C12orf42: variants seen among roughly 807,000 people sequenced by gnomAD.
C12orf42 encodes chromosome 12 open reading frame 42.
In C12orf42, 25 loss-of-function variants were observed where a neutral mutation model predicts 21.6. That is an observed-to-expected ratio of 1.16 (90% CI 0.84 to 1.62). The LOEUF (loss-of-function observed/expected upper bound fraction) is 1.62. Among genes scored for constraint, C12orf42 ranks in the 40% most tolerant of loss-of-function variants. The pLI, the probability that C12orf42 is intolerant of heterozygous loss-of-function variation, is 0.00. For synonymous variants in C12orf42, 174 were observed against 175.0 expected (o/e 0.99, Z 0.05); for missense variants, 483 against 459.3 (o/e 1.05, Z -0.47).
the C12orf42 span, among the ~76,000 whole-genome samples, chr12:103,105,254 AG>A: frequency 6.6e-6 from 1 of 152,194 alleles, no homozygotes; most frequent in African/African-American, 2.4e-5. Context: ...CACAATAAAG[AG>A]AAAGATGAGT....
intron 3 of C12orf42, among the ~76,000 whole-genome samples, chr12:103,388,736 G>A (rs2046832842): frequency 6.6e-6 from 1 of 152,178 alleles, no homozygotes; most frequent in Non-Finnish European, 1.5e-5. Context: ...AATGATTATT[G>A]TATTCTCTCT....
At chr12:103,268,341 T>C (rs2035273052), downstream of C12orf42, 1 of 152,264 alleles carries the variant, frequency 6.6e-6, no homozygotes, top group African/African-American at 2.4e-5. Context: ...CCATGCCTGG[T>C]TAATAGGTAT....
At chr12:103,282,595 A>G (rs905263760) in intron 4 of C12orf42, among the ~76,000 whole-genome samples, 1 of 152,210 alleles carries the variant, frequency 6.6e-6, no homozygotes, top group Non-Finnish European at 1.5e-5. Context: ...TGATGTTCAC[A>G]CGATAACAAA....
the C12orf42 span, among the ~76,000 whole-genome samples, chr12:103,057,251 CT>C: frequency 6.6e-6 from 1 of 150,880 alleles, no homozygotes; most frequent in Non-Finnish European, 1.5e-5. Flanking sequence ...TGTTACATAG[CT>C]ATACGTGTGC....
downstream of C12orf42, among the ~76,000 whole-genome samples, chr12:103,264,675 A>G (rs1310857038): frequency 6.6e-6 from 1 of 152,208 alleles, no homozygotes; most frequent in Non-Finnish European, 1.5e-5. Context: ...TGGTTTACTG[A>G]AAGACTGGAA....
chr12:103,357,534 C>A (rs972484629), intron 4 of C12orf42, among the ~76,000 whole-genome samples: 1 of 151,984 alleles, frequency 6.6e-6, no homozygotes, highest in African/African-American at 2.4e-5. Context: ...GTTGCTCAGC[C>A]ATTTGGGACT....
the C12orf42 span, among the ~76,000 whole-genome samples, chr12:103,512,163 G>C: frequency 2.0e-5 from 3 of 152,060 alleles, no homozygotes; most frequent in Non-Finnish European, 2.9e-5. Context: ...GTGATATCTT[G>C]GTTCCCTTTA....
intron 1 of C12orf42, among the ~76,000 whole-genome samples, chr12:103,482,196 T>A (rs1248469921): frequency 3.3e-5 from 5 of 152,126 alleles, no homozygotes; most frequent in Admixed American, 3.3e-4. Flanking sequence ...TGGGATTACA[T>A]TTTTCCTTCT....
intron 2 of C12orf42, among the ~76,000 whole-genome samples, chr12:103,404,291 G>A (rs1267786002): frequency 6.6e-6 from 1 of 152,138 alleles, no homozygotes; most frequent in South Asian, 2.1e-4. Flanking sequence ...AAACAGACTA[G>A]GAGTACAGGT....
chr12:103,377,537 C>G (rs560067938), intron 3 of C12orf42, among the ~76,000 whole-genome samples: 4 of 152,050 alleles, frequency 2.6e-5, no homozygotes, highest in African/African-American at 9.7e-5. Flanking sequence ...GGAAAGGGCC[C>G]GAGTGTCCCA....
At chr12:103,424,897 A>T (rs1159516316) in intron 2 of C12orf42, among the ~76,000 whole-genome samples, 3 of 152,164 alleles carry the variant, frequency 2.0e-5, no homozygotes, top group Admixed American at 2.0e-4. Flanking sequence ...AGCTCAGCAG[A>T]TCCCACCCCC....
At position 103,330,454 on chromosome 12, in the gene C12orf42, T is replaced by G. The variant is rs575628810; in HGVS notation, c.260-24109A>C. Among the ~76,000 whole-genome samples, 3 of 152,358 alleles carry G rather than the reference T, an allele frequency of 2.0e-5. No homozygotes were observed. The South Asian group carries it at 6.2e-4, about 32-fold the overall frequency. On this transcript the variant is annotated intron_variant, in intron 4 of 5. Transcript: ENST00000548883. ...AGTCTCATTAGTCTCAATAAATCCCTCAGTGTTAAATTCTGGATAATCTGT... is the reference window on the plus strand; with the variant it reads ...AGTCTCATTAGTCTCAATAAATCCCGCAGTGTTAAATTCTGGATAATCTGT...
chr12:103,230,017 T>C, the C12orf42 span, among the ~76,000 whole-genome samples: 18 of 152,354 alleles, frequency 1.2e-4, no homozygotes, highest in African/African-American at 3.6e-4. Flanking sequence ...TTATTGAACA[T>C]ATATTACTGG....
the C12orf42 span, among the ~76,000 whole-genome samples, chr12:103,158,535 C>G: frequency 6.6e-6 from 1 of 151,954 alleles, no homozygotes; most frequent in African/African-American, 2.4e-5. Flanking sequence ...CTTGAAGCAC[C>G]ATGAAAATGT....
At chr12:103,212,110 A>G in the C12orf42 span, among the ~76,000 whole-genome samples, 44 of 152,180 alleles carry the variant, frequency 2.9e-4, no homozygotes, top group African/African-American at 1.0e-3. Context: ...TTTATTACCT[A>G]TATTTTTTCT....
chr12:103,100,329 T>C, the C12orf42 span, among the ~76,000 whole-genome samples: 1 of 152,370 alleles, frequency 6.6e-6, no homozygotes, highest in Middle Eastern at 3.4e-3. Context: ...GACACAAGTC[T>C]GGCTCAGGAG....
At chr12:103,100,260 A>G in the C12orf42 span, among the ~76,000 whole-genome samples, 1 of 152,316 alleles carries the variant, frequency 6.6e-6, no homozygotes, top group African/African-American at 2.4e-5. Context: ...CTGATGATGA[A>G]TGGCTGTGAA....
At chr12:103,502,313 C>T in the C12orf42 span, among the ~76,000 whole-genome samples, 2 of 152,280 alleles carry the variant, frequency 1.3e-5, no homozygotes, top group African/African-American at 2.4e-5. Context: ...ACCTCCAACT[C>T]ATGCCATGCT....
At chr12:103,385,427 T>C (rs1051005009) in intron 3 of C12orf42, among the ~76,000 whole-genome samples, 1 of 152,196 alleles carries the variant, frequency 6.6e-6, no homozygotes, top group Non-Finnish European at 1.5e-5. Context: ...CCCTTCATAA[T>C]ATTGTTAAAC....
Sources: allele counts gnomAD v4.1 joint callset (sites outside exome capture counted in the v4.1 genomes callset), GRCh38; gene constraint gnomAD v4.1.1; transcripts MANE v1.5; gene names NCBI Gene and HGNC (gene_info 2026-07-23, HGNC 2026-07-21).